AMD1: variants seen among roughly 807,000 people sequenced by gnomAD.
The protein encoded by AMD1 is adenosylmethionine decarboxylase 1.
Under a neutral mutation model 40.2 loss-of-function variants are expected in AMD1, and 11 were observed. The ratio of observed to expected loss-of-function variants is 0.27; its 90% CI spans 0.17 to 0.45. The LOEUF (loss-of-function observed/expected upper bound fraction) is 0.45. Among genes scored for constraint, AMD1 ranks in the 20% least tolerant of loss-of-function variants. AMD1 has a pLI of 1.00. For synonymous variants in AMD1, 121 were observed against 130.8 expected (o/e 0.93, Z 0.51); for missense variants, 257 against 410.2 (o/e 0.63, Z 3.23).
Position 110,886,130 on chromosome 6 carries a change from C to T in AMD1, c.111-1375C>T, listed in dbSNP as rs370011087. The stretch of plus-strand genomic sequence containing the variant: ...ATTAGCCAGGTGTGGTGGCACGTGC[C>T]TGTAATCCCAGCTGCTTGGGAGGTG... On this transcript the variant is annotated intron_variant, in intron 1 of 8. Coordinates refer to ENST00000368885, the MANE Select transcript of AMD1 (RefSeq NM_001634.6). Among the ~76,000 whole-genome samples the T allele has an allele frequency of 1.5e-4, 23 of 151,320 alleles. No homozygotes were observed. In the East Asian group the frequency reaches 2.7e-3, roughly 18 times the overall value.
At chr6:110,834,815 G>A in the AMD1 span, among the ~76,000 whole-genome samples, 3 of 151,618 alleles carry the variant, frequency 2.0e-5, no homozygotes, top group African/African-American at 7.3e-5. Flanking sequence ...TGGGTGTGGT[G>A]GTGCATGCCT....
intron 1 of AMD1, among the ~76,000 whole-genome samples, chr6:110,880,185 G>T (rs546563719): frequency 1.3e-5 from 2 of 152,262 alleles, no homozygotes; most frequent in East Asian, 3.9e-4. Flanking sequence ...TTGAACTCCT[G>T]ACTTCAAGTG....
the AMD1 span, among the ~76,000 whole-genome samples, chr6:110,850,407 T>G: frequency 6.6e-6 from 1 of 152,118 alleles, no homozygotes; most frequent in East Asian, 1.9e-4. Flanking sequence ...ACAGAACTCC[T>G]TCACTGTCTC....
At chr6:110,816,231 G>C in the AMD1 span, among the ~76,000 whole-genome samples, 1 of 152,146 alleles carries the variant, frequency 6.6e-6, no homozygotes, top group Admixed American at 6.5e-5. Context: ...TTGGCCATCT[G>C]TCTAAGGACA....
chr6:110,875,208 A>G lies in AMD1; in HGVS notation c.103A>G (p.Ile35Val). ...CCAAGGATCTGGGGATCTTCGCACT[A>G]TCCCAAGGTGGGTCCCCGGGGCGCT... ...ANQGSGDLRT[I>V]PRSEWDILLK... Residue 35 changes from isoleucine to valine, a missense_variant, in exon 1 of 9, where the codon ATC becomes GTC. Physicochemically the swap from Ile to Val is conservative, Grantham distance 29. Transcript: ENST00000368885. 1.9e-6 allele frequency: 3 copies of G among 1,608,718 alleles called. No individual in the cohort carries two copies. The highest frequency in any genetic ancestry group is 2.2e-5 in the South Asian group (2 of 90,268).
the AMD1 span, among the ~76,000 whole-genome samples, chr6:110,844,444 C>CA: frequency 6.6e-6 from 1 of 151,184 alleles, no homozygotes; most frequent in Admixed American, 6.6e-5. Context: ...AGGCATGAGC[C>CA]GCCTTGCCTG....
the AMD1 span, chr6:110,815,141 T>C: frequency 1.3e-6 from 2 of 1,590,592 alleles, no homozygotes; most frequent in Non-Finnish European, 1.7e-6. Flanking sequence ...ATCCATTGTC[T>C]GCTTCCCCCA....
At chr6:110,864,083 C>T in the AMD1 span, 2 of 232,564 alleles carry the variant, frequency 8.6e-6, no homozygotes, top group Non-Finnish European at 1.7e-5. Flanking sequence ...CCTCAGCCCC[C>T]CAAGTAGGTG....
At chr6:110,834,127 C>G in the AMD1 span, among the ~76,000 whole-genome samples, 3 of 152,106 alleles carry the variant, frequency 2.0e-5, no homozygotes, top group African/African-American at 7.2e-5. Flanking sequence ...GAGACGAAGT[C>G]TCACTTTGTT....
chr6:110,862,155 G>A, the AMD1 span, among the ~76,000 whole-genome samples: 1 of 150,922 alleles, frequency 6.6e-6, no homozygotes, highest in Non-Finnish European at 1.5e-5. Context: ...ACTACAGGCA[G>A]GTGCCACCAT....
At chr6:110,832,263 C>A in the AMD1 span, among the ~76,000 whole-genome samples, 1 of 151,992 alleles carries the variant, frequency 6.6e-6, no homozygotes, top group Non-Finnish European at 1.5e-5. Flanking sequence ...CTTTAGCCCC[C>A]CAAAGTGCTG....
upstream of AMD1, among the ~76,000 whole-genome samples, chr6:110,873,458 G>A (rs1189691155): frequency 6.6e-6 from 1 of 152,218 alleles, no homozygotes; most frequent in Non-Finnish European, 1.5e-5. Flanking sequence ...CCACGTTCTT[G>A]TAAGACAAGA....
chr6:110,848,598 G>A, the AMD1 span: 3 of 541,902 alleles, frequency 5.5e-6, no homozygotes, highest in Non-Finnish European at 5.9e-6. Context: ...TAGGAAAGGT[G>A]CAAAAAATAA....
At chr6:110,853,733 G>A in the AMD1 span, among the ~76,000 whole-genome samples, 2 of 152,280 alleles carry the variant, frequency 1.3e-5, no homozygotes, top group South Asian at 2.1e-4. Flanking sequence ...GAGCAACTGC[G>A]CCCAGCCTAA....
chr6:110,844,169 CTTGAGCCCAGGAGG>C, the AMD1 span, among the ~76,000 whole-genome samples: 1 of 149,884 alleles, frequency 6.7e-6, no homozygotes, highest in Admixed American at 6.7e-5. Context: ...AGTTGGATCA[CTTGAGCCCAGGAGG>C]TTGAGACCAG....
At chr6:110,843,112 G>A in the AMD1 span, among the ~76,000 whole-genome samples, 10 of 151,506 alleles carry the variant, frequency 6.6e-5, no homozygotes, top group Admixed American at 1.3e-4. Flanking sequence ...CAGCCTGGGC[G>A]ACAAAGCGAG....
chr6:110,858,692 C>G, the AMD1 span: 1 of 937,220 alleles, frequency 1.1e-6, no homozygotes. Flanking sequence ...GAAGCAGGAG[C>G]CGAACTTCGA....
the AMD1 span, among the ~76,000 whole-genome samples, chr6:110,821,117 T>C: frequency 3.9e-5 from 6 of 152,298 alleles, no homozygotes; most frequent in Middle Eastern, 3.4e-3. Flanking sequence ...TCAGTTTCTA[T>C]GTAGATAAGA....
the AMD1 span, among the ~76,000 whole-genome samples, chr6:110,841,031 G>A: frequency 6.6e-6 from 1 of 151,772 alleles, no homozygotes; most frequent in African/African-American, 2.4e-5. Context: ...TTTATTTTTT[G>A]AGACAGAGTT....
Sources: allele counts gnomAD v4.1 joint callset (sites outside exome capture counted in the v4.1 genomes callset), GRCh38; gene constraint gnomAD v4.1.1; transcripts MANE v1.5; gene names NCBI Gene and HGNC (gene_info 2026-07-23, HGNC 2026-07-21).